Variants in ADGRL2 observed in about 807,000 individuals in gnomAD.
ADGRL2 encodes calcium-independent alpha-latrotoxin receptor 2.
ADGRL2 carries 44 observed loss-of-function variants against 157.4 expected under a neutral mutation model. The observed-to-expected ratio is 0.28, with a 90% CI of 0.22 to 0.36. ADGRL2 has a LOEUF of 0.36. Among genes scored for constraint, ADGRL2 ranks in the 10% least tolerant of loss-of-function variants. ADGRL2 has a pLI of 1.00. For synonymous variants in ADGRL2, 585 were observed against 624.7 expected, an observed-to-expected ratio of 0.94 and a Z score of 0.95; for missense variants, 1,510 against 1,768.9, an observed-to-expected ratio of 0.85 and a Z score of 2.63.
intron 3 of ADGRL2, among the ~76,000 whole-genome samples, chr1:81,674,966 C>T (rs1249356307): frequency 6.6e-6 from 1 of 152,114 alleles, no homozygotes; most frequent in Non-Finnish European, 1.5e-5. Context: ...GTGCTGGAGG[C>T]CATATCATTT....
chr1:81,781,855 T>A (rs1220698875), intron 2 of ADGRL2, among the ~76,000 whole-genome samples: 2 of 152,226 alleles, frequency 1.3e-5, no homozygotes, highest in African/African-American at 2.4e-5. Flanking sequence ...AGCATTTATA[T>A]TTCACGGCCT....
chr1:81,306,877 A>ATTT (rs56040898), intron 1 of ADGRL2, among the ~76,000 whole-genome samples: 62,976 of 151,170 alleles, frequency 0.42, 13,844 homozygotes, highest in Middle Eastern at 0.51. Context: ...ACCGTAACAA[A>ATTT]TTTTTTTTTT....
intron 3 of ADGRL2, among the ~76,000 whole-genome samples, chr1:81,584,617 T>C (rs962119489): frequency 6.6e-6 from 1 of 152,182 alleles, no homozygotes; most frequent in African/African-American, 2.4e-5. Context: ...TTTATATTTT[T>C]TGGCAATCGC....
intron 1 of ADGRL2, among the ~76,000 whole-genome samples, chr1:81,315,662 A>G (rs529608256): frequency 6.6e-6 from 1 of 151,908 alleles, no homozygotes; most frequent in East Asian, 1.9e-4. Flanking sequence ...ACTATTTTCT[A>G]CCTCTCACAG....
chr1:81,366,248 G>A (rs77849332), intron 1 of ADGRL2, among the ~76,000 whole-genome samples: 4,722 of 151,466 alleles, frequency 0.031, 110 homozygotes, highest in Non-Finnish European at 0.046. Context: ...ATCACTTCAT[G>A]AGCTCTTCAC....
At chr1:81,351,859 T>TA (rs1662917093) in intron 1 of ADGRL2, among the ~76,000 whole-genome samples, 1 of 152,210 alleles carries the variant, frequency 6.6e-6, no homozygotes, top group Admixed American at 6.5e-5. Context: ...TAAGTCAGTT[T>TA]AAAAAGATTA....
chr1:81,371,673 A>G (rs1189101634), intron 1 of ADGRL2, among the ~76,000 whole-genome samples: 1 of 152,136 alleles, frequency 6.6e-6, no homozygotes, highest in Admixed American at 6.6e-5. Flanking sequence ...GATTGTTTTT[A>G]TCTTAATTGT....
At chr1:81,885,896 C>A (rs1478694503) in intron 2 of ADGRL2, among the ~76,000 whole-genome samples, 1 of 152,130 alleles carries the variant, frequency 6.6e-6, no homozygotes, top group Non-Finnish European at 1.5e-5. Context: ...TACTCCAAAA[C>A]TGTGACGAAT....
chr1:81,823,512 A>C (rs1453988423), intron 1 of ADGRL2, among the ~76,000 whole-genome samples: 1 of 151,654 alleles, frequency 6.6e-6, no homozygotes, highest in Non-Finnish European at 1.5e-5. Flanking sequence ...CATGGGTTAT[A>C]CTCACTGGTA....
intron 3 of ADGRL2, among the ~76,000 whole-genome samples, chr1:81,911,876 A>ATT (rs543340647): frequency 0.022 from 2,616 of 120,684 alleles, 81 homozygotes; most frequent in African/African-American, 0.071. Context: ...CCTGCCTCCC[A>ATT]TTTTTTTTTT....
At chr1:81,962,266 G>A (rs1189328597) in intron 11 of ADGRL2, among the ~76,000 whole-genome samples, 3 of 151,970 alleles carry the variant, frequency 2.0e-5, no homozygotes, top group Admixed American at 6.6e-5. Flanking sequence ...TACAATTTCC[G>A]TGATTGCTTC....
chr1:81,492,542 T>G (rs9658995), intron 2 of ADGRL2, among the ~76,000 whole-genome samples: 22,116 of 151,982 alleles, frequency 0.15, 2,954 homozygotes, highest in African/African-American at 0.36. Context: ...ATGCATAAAT[T>G]AGAAATACTT....
chr1:81,334,320 A>AT (rs1376889351), intron 1 of ADGRL2, among the ~76,000 whole-genome samples: 2 of 152,084 alleles, frequency 1.3e-5, no homozygotes, highest in African/African-American at 2.4e-5. Flanking sequence ...TGTATATTAC[A>AT]TTTTTTCAGA....
At chr1:81,819,410 A>C (rs2090754745) in intron 1 of ADGRL2, among the ~76,000 whole-genome samples, 1 of 152,136 alleles carries the variant, frequency 6.6e-6, no homozygotes, top group Non-Finnish European at 1.5e-5. Flanking sequence ...CATGTGTTAA[A>C]AGTCCAAAGT....
At position 81,528,046 on chromosome 1, in the gene ADGRL2, C is replaced by G. The variant is rs1157972513; in HGVS notation, c.-247-52830C>G. 2.6e-5 allele frequency among the ~76,000 whole-genome samples: 4 copies of G among 152,022 alleles called. No homozygotes were observed. In the South Asian group the frequency reaches 6.2e-4, roughly 24 times the overall value. The stretch of plus-strand genomic sequence containing the variant: ...CGCGTCACTGCACTCCAGTCTGGGC[C>G]ACAGAGCGAGACTCCGTCTCAAAAG... On this transcript the variant is annotated intron_variant, in intron 2 of 24. Coordinates refer to the ADGRL2 transcript ENST00000370721.
chr1:81,779,977 T>C, intron 2 of ADGRL2, among the ~76,000 whole-genome samples: 1 of 152,328 alleles, frequency 6.6e-6, no homozygotes, highest in South Asian at 2.1e-4. Context: ...CACTAAGATA[T>C]GTTGCAGCTC....
intron 2 of ADGRL2, among the ~76,000 whole-genome samples, chr1:81,880,365 C>A (rs1015174523): frequency 6.6e-5 from 10 of 152,132 alleles, no homozygotes; most frequent in African/African-American, 2.4e-4. Flanking sequence ...GCCTTAAGTT[C>A]TTTCTTAACT....
chr1:81,973,988 A>T (rs1659498600), intron 17 of ADGRL2, among the ~76,000 whole-genome samples: 1 of 152,152 alleles, frequency 6.6e-6, no homozygotes, highest in Admixed American at 6.5e-5. Flanking sequence ...ATGTAAACTC[A>T]ATTCAGGCAC....
chr1:81,606,783 T>C (rs114698327), intron 3 of ADGRL2, among the ~76,000 whole-genome samples: 5,343 of 149,680 alleles, frequency 0.036, 182 homozygotes, highest in African/African-American at 0.092. Context: ...TGCGCACGCG[T>C]GTGTGTGTGT....
Sources: allele counts gnomAD v4.1 joint callset (sites outside exome capture counted in the v4.1 genomes callset), GRCh38; gene constraint gnomAD v4.1.1; transcripts MANE v1.5; gene names NCBI Gene and HGNC (gene_info 2026-07-23, HGNC 2026-07-21).